The following AKAP9 variants were observed in gnomAD, a reference collection of about 807,000 sequenced individuals.
The protein encoded by AKAP9 is A-kinase anchor protein 9.
AKAP9 carries 311 observed loss-of-function variants against 488.5 expected under a neutral mutation model. The observed-to-expected ratio is 0.64, with a 90% confidence interval of 0.58 to 0.70. The LOEUF (loss-of-function observed/expected upper bound fraction) is 0.70, where lower values mean the gene tolerates loss of function less well. Ranked by LOEUF, AKAP9 falls within the 30% of genes least tolerant of loss-of-function variation. The probability of loss-of-function intolerance (pLI) is 0.00; values close to 1 mark genes in which losing one functional copy is unlikely to be tolerated. For missense variants in AKAP9, 4,215 were observed against 4,374.5 expected (o/e 0.96, Z 1.03); for synonymous variants, 1,462 against 1,483.5 (o/e 0.99, Z 0.33).
intron 1 of AKAP9, among the ~76,000 whole-genome samples, chr7:91,972,841 CTGA>C (rs1584645766): frequency 2.0e-5 from 3 of 152,140 alleles, no homozygotes; most frequent in Admixed American, 2.0e-4. Context: ...GACAAAAATC[CTGA>C]TGATGATATG....
intron 33 of AKAP9, 54 bp downstream of exon 33, chr7:92,083,709 A>T (rs763909352): frequency 5.8e-4 from 912 of 1,578,034 alleles, no homozygotes; most frequent in Admixed American, 1.4e-3. Context: ...TTTTAAAAAA[A>T]AAAAATCAGT....
intron 16 of AKAP9, among the ~76,000 whole-genome samples, chr7:92,035,697 T>C (rs1805081048): frequency 1.3e-5 from 2 of 152,228 alleles, no homozygotes; most frequent in Admixed American, 6.5e-5. Flanking sequence ...ACAAATCACC[T>C]AAGTTTTGAC....
intron 1 of AKAP9, among the ~76,000 whole-genome samples, chr7:91,956,829 ATTGTT>A (rs1793083528): frequency 2.0e-5 from 3 of 152,246 alleles, no homozygotes; most frequent in African/African-American, 7.2e-5. Flanking sequence ...TAGCCATTGT[ATTGTT>A]TTGTTTCTGA....
chr7:92,061,168 T>C, intron 22 of AKAP9, 92 bp from the exon 23 acceptor site: 1 of 1,442,714 alleles, frequency 6.9e-7, no homozygotes, highest in Non-Finnish European at 9.5e-7. Flanking sequence ...ATCTTTATTT[T>C]AAAATCCTCC....
At chr7:91,964,972 GT>G (rs368896273) in intron 1 of AKAP9, among the ~76,000 whole-genome samples, 2,189 of 152,218 alleles carry the variant, frequency 0.014, 45 homozygotes, top group African/African-American at 0.05. Flanking sequence ...CATATAGTTT[GT>G]AAGGATCAAA....
intron 10 of AKAP9, among the ~76,000 whole-genome samples, chr7:92,014,935 T>C (rs1801300098): frequency 6.6e-6 from 1 of 151,946 alleles, no homozygotes; most frequent in Non-Finnish European, 1.5e-5. Context: ...CGGTGTAGAG[T>C]GAGCCAAAAC....
At chr7:92,050,907 G>A (rs1807869398) in intron 21 of AKAP9, among the ~76,000 whole-genome samples, 1 of 152,098 alleles carries the variant, frequency 6.6e-6, no homozygotes, top group East Asian at 1.9e-4. Flanking sequence ...TAAGCTGGAA[G>A]CCCAGAGTCA....
intron 28 of AKAP9, among the ~76,000 whole-genome samples, chr7:92,074,294 T>C (rs1369695327): frequency 2.0e-5 from 3 of 152,118 alleles, no homozygotes; most frequent in Non-Finnish European, 4.4e-5. Context: ...ATCAGAGAAG[T>C]GCAAACCAAA....
intron 1 of AKAP9, among the ~76,000 whole-genome samples, chr7:91,949,012 A>C (rs1023349295): frequency 2.0e-5 from 3 of 152,176 alleles, no homozygotes; most frequent in Non-Finnish European, 4.4e-5. Context: ...CGGCCTCCCA[A>C]AGTGCTGGGA....
chr7:91,963,017 A>C (rs555446944), intron 1 of AKAP9, among the ~76,000 whole-genome samples: 1 of 152,312 alleles, frequency 6.6e-6, no homozygotes, highest in Non-Finnish European at 1.5e-5. Context: ...GTGGAATTTT[A>C]AGTTTCTGAA....
rs1304799923 is a variant in AKAP9 at position 92,076,845 on chromosome 7, G to T, written c.6613-10G>T. ...ACATTTTTTCTCTTTTGATAATTTT[G>T]TTATTAAAGATTACAAACTTAGAAG... On this transcript the variant is annotated splice_polypyrimidine_tract_variant and intron_variant, in intron 28 of 49. Coordinates refer to ENST00000356239, the MANE Select transcript of AKAP9 (RefSeq NM_005751.5). The T allele has an allele frequency of 7.2e-7, 1 of 1,385,268 alleles. No homozygotes were observed. Among genetic ancestry groups the T allele is most frequent in the Non-Finnish European group, 1.0e-6 (1 of 1,002,488 alleles). 85.8% of individuals were successfully genotyped at this position (1,385,268 alleles called of 1,614,324 possible).
chr7:91,954,906 A>C (rs1792759064), intron 1 of AKAP9, among the ~76,000 whole-genome samples: 1 of 152,226 alleles, frequency 6.6e-6, no homozygotes, highest in African/African-American at 2.4e-5. Context: ...ATTCAATGCC[A>C]GAAGGAAAAT....
At chr7:92,077,993 T>C (rs1812892371) in intron 30 of AKAP9, 118 bp downstream of exon 30, 2 of 676,854 alleles carry the variant, frequency 3.0e-6, no homozygotes, top group East Asian at 3.4e-5. Context: ...TTTTATTTTA[T>C]TTTATTTTAT....
At position 92,018,474 on chromosome 7, in the gene AKAP9, A is replaced by C. The variant is rs190765976; in HGVS notation, c.3837+1372A>C. Among the ~76,000 whole-genome samples, 290 of 151,582 alleles carry C rather than the reference A, an allele frequency of 1.9e-3. 1 individual carries two copies. Among genetic ancestry groups the C allele is most frequent in the African/African-American group, 6.6e-3 (271 of 41,368 alleles). On this transcript the variant is annotated intron_variant, in intron 12 of 49. Transcript: ENST00000356239. ...TATTCAAAACTAAATGTTCTGTTTT[A>C]AGGTTGGGAAACAGAAAGCAGCCAG...
intron 21 of AKAP9, among the ~76,000 whole-genome samples, chr7:92,051,065 T>G (rs1289481998): frequency 6.6e-6 from 1 of 152,206 alleles, no homozygotes; most frequent in Non-Finnish European, 1.5e-5. Flanking sequence ...ATTCAAAATA[T>G]GATTTACTCT....
intron 14 of AKAP9, 32 bp downstream of exon 14, chr7:92,023,041 T>A: frequency 3.8e-6 from 6 of 1,591,328 alleles, no homozygotes; most frequent in Non-Finnish European, 5.2e-6. Context: ...CATTCAACAG[T>A]ATTTGTAGCT....
intron 10 of AKAP9, among the ~76,000 whole-genome samples, chr7:92,015,628 T>C (rs547673224): frequency 6.6e-6 from 1 of 152,210 alleles, no homozygotes; most frequent in East Asian, 1.9e-4. Flanking sequence ...CCTCCCAAAG[T>C]GCTGGGATTA....
chr7:91,963,507 CACACACACACACACACACACAT>C (rs1441203155), intron 1 of AKAP9, among the ~76,000 whole-genome samples: 1 of 151,052 alleles, frequency 6.6e-6, no homozygotes, highest in Non-Finnish European at 1.5e-5. Flanking sequence ...CACACACACA[CACACACACACACACACACACAT>C]ATTTTTGAGA....
rs758060247 is a variant in AKAP9, at chr7:92,080,135, G to C, written c.8002G>C (p.Asp2668His). Residue 2668 changes from aspartate to histidine, a missense_variant, in exon 31 of 50, where the codon GAT (aspartate) becomes CAT (histidine). Physicochemically the swap from Asp to His is moderately conservative, Grantham distance 81. Around this residue, in one of 5 missense-constraint regions of AKAP9, gnomAD observed 1,476 missense variants for 1,477.4 expected, o/e 1.00. Transcript: ENST00000356239. ...GAAAGAAAAGAAAAGAAGCCCTCAA[G>C]ATGTTGAAGTTCTCAAGGTTAGTTT... ...REKEKKRSPQ[D>H]VEVLKTTTEL... 4 of 1,590,834 alleles carry C rather than the reference G, an allele frequency of 2.5e-6. No homozygotes were observed. Among genetic ancestry groups the C allele is most frequent in the African/African-American group, 1.3e-5 (1 of 74,410 alleles).
Sources: allele counts gnomAD v4.1 joint callset (sites outside exome capture counted in the v4.1 genomes callset), GRCh38; gene constraint gnomAD v4.1.1; regional missense constraint gnomAD v4.1.1; transcripts MANE v1.5; gene names NCBI Gene and HGNC (gene_info 2026-07-23, HGNC 2026-07-21).